The following ANKRD30B variants were observed in gnomAD, a reference collection of about 807,000 sequenced individuals.
The protein encoded by ANKRD30B is ankyrin repeat domain-containing protein 30B.
ANKRD30B carries 144 observed loss-of-function variants against 202.2 expected under a neutral mutation model. That is an observed-to-expected ratio of 0.71 (90% CI 0.62 to 0.82). ANKRD30B has a LOEUF of 0.82. ANKRD30B is among the 40% of genes least tolerant of loss of function. The pLI, the probability that ANKRD30B is intolerant of heterozygous loss-of-function variation, is 0.00. For missense variants in ANKRD30B, 1,487 were observed against 1,669.1 expected, an observed-to-expected ratio of 0.89 and a Z score of 1.90; for synonymous variants, 508 against 561.3, an observed-to-expected ratio of 0.91 and a Z score of 1.34.
chr18:14,843,414 A>C (rs2143200437), intron 39 of ANKRD30B, among the ~76,000 whole-genome samples: 1 of 152,316 alleles, frequency 6.6e-6, no homozygotes, highest in South Asian at 2.1e-4. Flanking sequence ...CTGTTCAAAA[A>C]TTGATTCAAA....
chr18:14,931,439 AC>A, the ANKRD30B span, among the ~76,000 whole-genome samples: 16 of 152,044 alleles, frequency 1.1e-4, no homozygotes, highest in East Asian at 2.9e-3. Flanking sequence ...GGTCACCTCC[AC>A]CCCTCCTCAA....
In ANKRD30B at chr18:14,781,419, G is replaced by A. The variant is rs563102822; in HGVS notation, c.1483-1108G>A. Among the ~76,000 whole-genome samples, 382 of 137,290 alleles carry A rather than the reference G, an allele frequency of 2.8e-3. 3 individuals carry two copies. The highest frequency in any genetic ancestry group is 0.012 in the Middle Eastern group (3 of 260). 90.1% of individuals were successfully genotyped at this position (137,290 alleles called of 152,430 possible). A position where few individuals can be genotyped will look rare whatever the true frequency, so the allele number is the denominator to read the frequency against. ...ACGCCATTCTCCTGCCTCAGCCTCC[G>A]GAGTAGCTGGGACTACAGGCGCCCG... On this transcript the variant is annotated intron_variant, in intron 11 of 43. Transcript: ENST00000690538.
At chr18:14,866,047 A>G in the ANKRD30B span, among the ~76,000 whole-genome samples, 1 of 152,160 alleles carries the variant, frequency 6.6e-6, no homozygotes, top group Non-Finnish European at 1.5e-5. Context: ...AAGTCTTAGG[A>G]CAACCAATCA....
the ANKRD30B span, among the ~76,000 whole-genome samples, chr18:14,868,948 G>A: frequency 3.9e-5 from 6 of 152,190 alleles, no homozygotes; most frequent in Non-Finnish European, 7.4e-5. Flanking sequence ...ATGTGTGAAG[G>A]CAAAAAGGTT....
chr18:14,928,734 T>A, the ANKRD30B span, among the ~76,000 whole-genome samples: 1 of 152,182 alleles, frequency 6.6e-6, no homozygotes, highest in African/African-American at 2.4e-5. Context: ...CCCTCCTCTA[T>A]TGGTACTGTT....
the ANKRD30B span, among the ~76,000 whole-genome samples, chr18:14,915,801 G>A: frequency 6.6e-6 from 1 of 152,084 alleles, no homozygotes; most frequent in Non-Finnish European, 1.5e-5. Context: ...GATATAGTAG[G>A]CCCTCTGCAT....
intron 4 of ANKRD30B, among the ~76,000 whole-genome samples, chr18:14,757,199 T>G (rs1914507580): frequency 6.6e-6 from 1 of 152,236 alleles, no homozygotes; most frequent in Admixed American, 6.5e-5. Flanking sequence ...GATAGGCTTT[T>G]GATTCACACA....
chr18:14,908,897 T>A, the ANKRD30B span, among the ~76,000 whole-genome samples: 4 of 152,116 alleles, frequency 2.6e-5, 1 homozygote, highest in South Asian at 8.3e-4. Flanking sequence ...ACGTCCTTGA[T>A]CCTGGGGAAA....
At chr18:14,876,183 G>T in the ANKRD30B span, among the ~76,000 whole-genome samples, 1 of 151,892 alleles carries the variant, frequency 6.6e-6, no homozygotes, top group South Asian at 2.1e-4. Context: ...AAAGCACCGG[G>T]CTTGGGGTCT....
intron 36 of ANKRD30B, among the ~76,000 whole-genome samples, chr18:14,838,761 TTAATC>T (rs1272979564): frequency 2.6e-5 from 4 of 152,236 alleles, no homozygotes; most frequent in South Asian, 2.1e-4. Context: ...AAAAAATCGT[TTAATC>T]TAATCAAATA....
At chr18:14,869,161 T>C in the ANKRD30B span, among the ~76,000 whole-genome samples, 1 of 152,236 alleles carries the variant, frequency 6.6e-6, no homozygotes, top group South Asian at 2.1e-4. Flanking sequence ...GAGATGAGCT[T>C]ACCTGGGCTG....
chr18:14,824,582 T>A (rs986967141), intron 32 of ANKRD30B, among the ~76,000 whole-genome samples: 5 of 152,146 alleles, frequency 3.3e-5, no homozygotes, highest in East Asian at 1.9e-4. Flanking sequence ...ATGGGAGTAA[T>A]GGAATAATAA....
At chr18:14,774,170 A>T (rs1203995021) in intron 9 of ANKRD30B, among the ~76,000 whole-genome samples, 1 of 152,134 alleles carries the variant, frequency 6.6e-6, no homozygotes, top group Non-Finnish European at 1.5e-5. Context: ...AATCTTTATT[A>T]CCCAGGTATT....
At chr18:14,909,697 G>T in the ANKRD30B span, among the ~76,000 whole-genome samples, 3 of 152,132 alleles carry the variant, frequency 2.0e-5, no homozygotes, top group African/African-American at 7.2e-5. Flanking sequence ...ATGAGTCACT[G>T]CGCCTGACTG....
downstream of ANKRD30B, among the ~76,000 whole-genome samples, chr18:14,858,420 CAG>C (rs1322236822): frequency 1.2e-5 from 1 of 81,960 alleles, no homozygotes; most frequent in Non-Finnish European, 2.4e-5. Flanking sequence ...ACAACCCAGA[CAG>C]GGTGGCCGGG....
intron 32 of ANKRD30B, among the ~76,000 whole-genome samples, chr18:14,824,013 A>C (rs1188177824): frequency 6.6e-6 from 1 of 152,134 alleles, no homozygotes; most frequent in Non-Finnish European, 1.5e-5. Context: ...GAAATTCACC[A>C]CATATGTGTG....
intron 16 of ANKRD30B, among the ~76,000 whole-genome samples, chr18:14,795,655 A>G (rs1396256355): frequency 2.0e-5 from 3 of 152,232 alleles, no homozygotes; most frequent in Admixed American, 1.3e-4. Context: ...CTATAAGTAG[A>G]TATTTATGCT....
chr18:14,877,203 C>T, the ANKRD30B span, among the ~76,000 whole-genome samples: 1 of 152,254 alleles, frequency 6.6e-6, no homozygotes, highest in East Asian at 1.9e-4. Context: ...CTTCCACTTA[C>T]TCTGCACCTT....
At chr18:14,846,763 T>C (rs2487182) in intron 39 of ANKRD30B, among the ~76,000 whole-genome samples, 30 of 147,548 alleles carry the variant, frequency 2.0e-4, no homozygotes, top group African/African-American at 3.8e-4. Context: ...TTTTTTCAAG[T>C]GTTAGTGTGG....
Sources: allele counts gnomAD v4.1 joint callset (sites outside exome capture counted in the v4.1 genomes callset), GRCh38; gene constraint gnomAD v4.1.1; transcripts MANE v1.5; gene names NCBI Gene and HGNC (gene_info 2026-07-23, HGNC 2026-07-21).